Variants in ZMYM4 observed in about 807,000 individuals in gnomAD.
The protein encoded by ZMYM4 is zinc finger MYM-type containing 4.
A neutral mutation model predicts 183.2 loss-of-function variants in ZMYM4; 31 were observed. The observed-to-expected ratio is 0.17, with a 90% confidence interval of 0.13 to 0.23. The LOEUF (loss-of-function observed/expected upper bound fraction) is 0.23, where lower values mean the gene tolerates loss of function less well. ZMYM4 is among the 10% of genes least tolerant of loss of function. The pLI, the probability that ZMYM4 is intolerant of heterozygous loss-of-function variation, is 1.00. For synonymous variants in ZMYM4, 592 were observed against 631.2 expected (o/e 0.94, Z 0.93); for missense variants, 1,273 against 1,840.3 (o/e 0.69, Z 5.64).
At chr1:35,405,517 G>A in intron 25 of ZMYM4, 49 bp downstream of exon 25, 1 of 1,370,966 alleles carries the variant, frequency 7.3e-7, no homozygotes, top group East Asian at 2.4e-5. Context: ...TATTATTATT[G>A]CGGATTTAAA....
intron 1 of ZMYM4, among the ~76,000 whole-genome samples, chr1:35,280,741 CTT>C (rs1408903682): frequency 6.6e-6 from 1 of 152,124 alleles, no homozygotes; most frequent in Non-Finnish European, 1.5e-5. Flanking sequence ...GGCATTATCT[CTT>C]TGTCTCTCTT....
At chr1:35,398,326 G>T in intron 20 of ZMYM4, 87 bp from the exon 21 acceptor site, 1 of 1,119,316 alleles carries the variant, frequency 8.9e-7, no homozygotes, top group Non-Finnish European at 1.3e-6. Flanking sequence ...TTTGTAGTAT[G>T]ATTGATGTAT....
chr1:35,405,804 T>G (rs1402489046), intron 25 of ZMYM4, among the ~76,000 whole-genome samples: 1 of 151,866 alleles, frequency 6.6e-6, no homozygotes, highest in East Asian at 1.9e-4. Context: ...GGAAAAGCCT[T>G]GCTTCTAATG....
chr1:35,291,341 T>C (rs1206441071), intron 1 of ZMYM4, among the ~76,000 whole-genome samples: 1 of 152,154 alleles, frequency 6.6e-6, no homozygotes, highest in Non-Finnish European at 1.5e-5. Flanking sequence ...TAGGCTGGTC[T>C]CATATTTCTG....
chr1:35,365,263 T>TA (rs1491304367), intron 5 of ZMYM4, among the ~76,000 whole-genome samples: 3 of 147,478 alleles, frequency 2.0e-5, no homozygotes, highest in South Asian at 2.1e-4. Flanking sequence ...TTTTTTTTTT[T>TA]AGTCTACCAA....
At chr1:35,303,541 G>A (rs562828759) in intron 1 of ZMYM4, among the ~76,000 whole-genome samples, 8 of 152,188 alleles carry the variant, frequency 5.3e-5, no homozygotes, top group East Asian at 1.9e-4. Flanking sequence ...AAGTGGCTGC[G>A]ACTATAGGCA....
Position 35,398,425 on chromosome 1 carries a change from C to T in ZMYM4, c.3212C>T (p.Ser1071Phe), listed in dbSNP as rs1644846821. 1 of 1,610,270 alleles carries T rather than the reference C, an allele frequency of 6.2e-7. No homozygotes were observed. The highest frequency in any genetic ancestry group is 1.1e-5 in the South Asian group (1 of 90,140). Residue 1071 changes from serine (S) to phenylalanine (F), a missense_variant, in exon 21 of 30, where the codon TCT (serine) becomes TTT (phenylalanine). Ser to Phe is a radical substitution (Grantham distance 155, BLOSUM62 -2). Transcript: ENST00000314607. ...KTLSQGESQT[S>F]EHELFLDTKI... ...TCTTTTTCTTTAGAGTCCCAAACTT[C>T]TGAACACGAACTCTTTCTAGACACC...
intron 2 of ZMYM4, among the ~76,000 whole-genome samples, chr1:35,329,092 T>C (rs1348855494): frequency 6.6e-6 from 1 of 152,226 alleles, no homozygotes; most frequent in Non-Finnish European, 1.5e-5. Flanking sequence ...TTACTAATTA[T>C]TGGCACACAT....
chr1:35,278,121 C>T (rs12088662), intron 1 of ZMYM4, among the ~76,000 whole-genome samples: 9,646 of 151,960 alleles, frequency 0.063, 928 homozygotes, highest in East Asian at 0.44. Context: ...TGACTTGTGG[C>T]GGCAAAACTC....
At chr1:35,397,356 A>T in intron 19 of ZMYM4, 21 bp from the exon 20 acceptor site, 1 of 1,520,222 alleles carries the variant, frequency 6.6e-7, no homozygotes, top group African/African-American at 1.4e-5. Context: ...GAAAGCCTTC[A>T]GTCTATCCTT....
intron 12 of ZMYM4, 21 bp downstream of exon 12, chr1:35,387,299 GA>G: frequency 1.2e-6 from 2 of 1,608,208 alleles, no homozygotes; most frequent in Non-Finnish European, 1.7e-6. Context: ...GCATGTTCAT[GA>G]TAAGATTTTG....
At chr1:35,362,718 T>G (rs946521346) in intron 5 of ZMYM4, among the ~76,000 whole-genome samples, 1 of 152,152 alleles carries the variant, frequency 6.6e-6, no homozygotes, top group East Asian at 1.9e-4. Flanking sequence ...CTCTTTTTTT[T>G]TTGAGACAAG....
chr1:35,399,080 A>G (rs748765663), intron 22 of ZMYM4, 37 bp downstream of exon 22: 31 of 1,598,540 alleles, frequency 1.9e-5, no homozygotes, highest in Non-Finnish European at 2.5e-5. Flanking sequence ...AAAGCTTTTT[A>G]TTTTAAAAGA....
At chr1:35,286,051 G>A (rs887741865) in intron 1 of ZMYM4, among the ~76,000 whole-genome samples, 3 of 152,064 alleles carry the variant, frequency 2.0e-5, no homozygotes, top group Admixed American at 6.6e-5. Flanking sequence ...CAGAAGTTAA[G>A]CAAGAAAAAG....
At chr1:35,291,562 T>G (rs1428746607) in intron 1 of ZMYM4, among the ~76,000 whole-genome samples, 1 of 152,080 alleles carries the variant, frequency 6.6e-6, no homozygotes, top group African/African-American at 2.4e-5. Flanking sequence ...AACCAGCTTT[T>G]TCTTTCTTTT....
At chr1:35,315,394 C>G (rs998636831) in intron 1 of ZMYM4, among the ~76,000 whole-genome samples, 3 of 151,812 alleles carry the variant, frequency 2.0e-5, no homozygotes, top group Non-Finnish European at 4.4e-5. Context: ...TTTTATATAA[C>G]CTTTAAAAAA....
At chr1:35,418,384 G>C in intron 28 of ZMYM4, 59 bp from the exon 29 acceptor site, 2 of 1,574,576 alleles carry the variant, frequency 1.3e-6, no homozygotes, top group South Asian at 2.3e-5. Flanking sequence ...TTGGTGTCTT[G>C]AGACTCAAAG....
intron 6 of ZMYM4, 75 bp downstream of exon 6, chr1:35,370,188 A>G: frequency 6.4e-7 from 1 of 1,562,910 alleles, no homozygotes; most frequent in Admixed American, 1.8e-5. Context: ...TGCTTGTATT[A>G]ATAAACCAGG....
At chr1:35,284,872 C>G (rs906420150) in intron 1 of ZMYM4, among the ~76,000 whole-genome samples, 2 of 152,166 alleles carry the variant, frequency 1.3e-5, no homozygotes, top group African/African-American at 4.8e-5. Flanking sequence ...CTCTCACTAC[C>G]TCATCTAGCT....
Sources: gnomAD v4.1 joint callset for allele counts (sites outside exome capture counted in the v4.1 genomes callset) on GRCh38, gnomAD v4.1.1 for gene constraint, MANE v1.5 for transcripts, NCBI Gene and HGNC (gene_info 2026-07-23, HGNC 2026-07-21) for gene names.